APBA1: variants seen among roughly 807,000 people sequenced by gnomAD.
The protein encoded by APBA1 is amyloid beta precursor protein binding family A member 1, also known as amyloid-beta A4 precursor protein-binding family A member 1.
A neutral mutation model predicts 86.6 loss-of-function variants in APBA1; 55 were observed. The ratio of observed to expected loss-of-function variants is 0.64; its 90% CI spans 0.51 to 0.80. APBA1 has a LOEUF of 0.80. Ranked by LOEUF, APBA1 falls within the 30% of genes least tolerant of loss-of-function variation. The pLI, the probability that APBA1 is intolerant of heterozygous loss-of-function variation, is 0.00. For synonymous variants in APBA1, 511 were observed against 493.9 expected, an observed-to-expected ratio of 1.03 and a Z score of -0.46; for missense variants, 1,090 against 1,183.0, an observed-to-expected ratio of 0.92 and a Z score of 1.15.
chr9:69,622,233 A>G (rs781074902), intron 1 of APBA1, among the ~76,000 whole-genome samples: 34 of 152,226 alleles, frequency 2.2e-4, no homozygotes, highest in Non-Finnish European at 4.0e-4. Context: ...CACTTGCCCT[A>G]TGACTCACAG....
intron 1 of APBA1, among the ~76,000 whole-genome samples, chr9:69,620,661 A>C (rs1854704): frequency 0.051 from 7,794 of 152,276 alleles, 300 homozygotes; most frequent in African/African-American, 0.1. Context: ...TGGGCGACAG[A>C]GCGAGACTCC....
intron 2 of APBA1, among the ~76,000 whole-genome samples, chr9:69,482,344 T>TTG (rs1835526415): frequency 6.6e-6 from 1 of 151,922 alleles, no homozygotes; most frequent in Non-Finnish European, 1.5e-5. Flanking sequence ...AAAGAAGACA[T>TTG]TTATGCAGCC....
chr9:69,658,820 T>C (rs543622189), intron 1 of APBA1, among the ~76,000 whole-genome samples: 2 of 152,100 alleles, frequency 1.3e-5, no homozygotes, highest in African/African-American at 4.8e-5. Context: ...ACCTGAGAAT[T>C]TATGTCCCCA....
At chr9:69,513,110 C>G (rs189842679) in intron 2 of APBA1, among the ~76,000 whole-genome samples, 1 of 152,276 alleles carries the variant, frequency 6.6e-6, no homozygotes, top group Admixed American at 6.5e-5. Context: ...TTCAGTTTCA[C>G]TTTATATTAA....
chr9:69,538,803 C>A (rs981869204), intron 1 of APBA1, among the ~76,000 whole-genome samples: 4 of 152,200 alleles, frequency 2.6e-5, no homozygotes, highest in African/African-American at 9.6e-5. Context: ...AGGTTATTAA[C>A]CCTTCTGGAC....
At position 69,452,220 on chromosome 9, in the gene APBA1, CG is replaced by C. The variant is rs894319606; in HGVS notation, c.1869del (p.Glu624LysfsTer22). 1 of 1,614,088 alleles carries C rather than the reference CG, an allele frequency of 6.2e-7. No homozygotes were observed. Among genetic ancestry groups the C allele is most frequent in the Non-Finnish European group, 8.5e-7 (1 of 1,180,054 alleles). On this transcript the variant is annotated frameshift_variant, in exon 9 of 13. Coordinates refer to ENST00000265381, the MANE Select transcript of APBA1 (RefSeq NM_001163.4). LOFTEE classifies it high-confidence loss of function. ...QEFLRANGIN[P>X]EDLSQKEYSD... ...CTATACTCCTTCTGGCTGAGATCTTCGGGGTTAATCCCATTGGCCCTGAGGA... is the reference window on the plus strand; with the variant it reads ...CTATACTCCTTCTGGCTGAGATCTTCGGGTTAATCCCATTGGCCCTGAGGA...
chr9:69,495,082 C>A (rs908092651), intron 2 of APBA1, among the ~76,000 whole-genome samples: 3 of 152,048 alleles, frequency 2.0e-5, no homozygotes, highest in African/African-American at 7.2e-5. Context: ...AGGAGCACAA[C>A]CCCTTTCCAA....
chr9:69,489,414 G>T (rs1019160460), intron 2 of APBA1, among the ~76,000 whole-genome samples: 1 of 152,056 alleles, frequency 6.6e-6, no homozygotes, highest in Non-Finnish European at 1.5e-5. Context: ...GCTGAAAACT[G>T]GCTAGCCATA....
intron 2 of APBA1, among the ~76,000 whole-genome samples, chr9:69,495,975 G>A (rs747903865): frequency 2.6e-5 from 4 of 152,058 alleles, no homozygotes; most frequent in Non-Finnish European, 5.9e-5. Context: ...GCAAGCCAGC[G>A]ACACCAACAC....
intron 1 of APBA1, among the ~76,000 whole-genome samples, chr9:69,574,475 AT>A: frequency 6.6e-6 from 1 of 152,284 alleles, no homozygotes; most frequent in South Asian, 2.1e-4. Context: ...ATTAAAAAAA[AT>A]CCTCTCTATA....
At chr9:69,670,164 G>A (rs1399325837) in intron 1 of APBA1, among the ~76,000 whole-genome samples, 4 of 152,008 alleles carry the variant, frequency 2.6e-5, no homozygotes, top group Admixed American at 2.0e-4. Context: ...TGAAGAACAT[G>A]GGGAAATTTA....
Position 69,440,864 on chromosome 9 carries a change from T to C in APBA1, c.2301+132A>G, listed in dbSNP as rs548693854. ...TTGGAAATGCAGAAATTACCCGTCT[T>C]CTGCATCACTCACGCTGGGAGTTGT... On this transcript the variant is annotated intron_variant, in intron 11 of 12. Coordinates refer to ENST00000265381, the MANE Select transcript of APBA1 (RefSeq NM_001163.4). 685 of 1,188,540 alleles carry C rather than the reference T, an allele frequency of 5.8e-4. 2 individuals are homozygous for C. The highest frequency in any genetic ancestry group is 4.0e-4 in the Non-Finnish European group (335 of 842,450). The allele number at this position is 1,188,540 out of a possible 1,614,324, so 73.6% of individuals were successfully genotyped here.
intron 1 of APBA1, among the ~76,000 whole-genome samples, chr9:69,558,493 G>A (rs1213594401): frequency 6.7e-6 from 1 of 150,330 alleles, no homozygotes; most frequent in Non-Finnish European, 1.5e-5. Context: ...ACATCATTCT[G>A]TTTCTATTGT....
chr9:69,642,657 T>C (rs980534227), intron 1 of APBA1, among the ~76,000 whole-genome samples: 3 of 151,812 alleles, frequency 2.0e-5, no homozygotes, highest in Non-Finnish European at 2.9e-5. Context: ...TAGAGAGAGA[T>C]AGAGAGAAAT....
intron 1 of APBA1, among the ~76,000 whole-genome samples, chr9:69,552,688 G>C (rs1836804981): frequency 6.6e-6 from 1 of 152,162 alleles, no homozygotes; most frequent in South Asian, 2.1e-4. Flanking sequence ...CAGAGCAAAA[G>C]CTATACTTAA....
intron 1 of APBA1, among the ~76,000 whole-genome samples, chr9:69,664,023 T>C (rs1411595504): frequency 6.6e-6 from 1 of 152,166 alleles, no homozygotes; most frequent in African/African-American, 2.4e-5. Flanking sequence ...CGGCAACTGA[T>C]TTTAAAGAGA....
chr9:69,556,559 A>C (rs111557922), intron 1 of APBA1, among the ~76,000 whole-genome samples: 15 of 152,324 alleles, frequency 9.8e-5, no homozygotes, highest in African/African-American at 3.1e-4. Context: ...ACCAATAGTT[A>C]GCACTTTTAG....
intron 1 of APBA1, among the ~76,000 whole-genome samples, chr9:69,522,686 A>T (rs1836273000): frequency 6.6e-6 from 1 of 152,228 alleles, no homozygotes; most frequent in South Asian, 2.1e-4. Context: ...CAACAATTGT[A>T]ACACCTTGTG....
chr9:69,635,143 T>A (rs1261560166), intron 1 of APBA1, among the ~76,000 whole-genome samples: 1 of 152,070 alleles, frequency 6.6e-6, no homozygotes, highest in Non-Finnish European at 1.5e-5. Flanking sequence ...GATAAACTAG[T>A]CAAAAAAACT....
Sources: allele counts gnomAD v4.1 joint callset (sites outside exome capture counted in the v4.1 genomes callset), GRCh38; gene constraint gnomAD v4.1.1; transcripts MANE v1.5; gene names NCBI Gene and HGNC (gene_info 2026-07-23, HGNC 2026-07-21).